The following CSGALNACT1 variants were observed in gnomAD, a reference collection of about 807,000 sequenced individuals.
CSGALNACT1 encodes the protein chondroitin sulfate N-acetylgalactosaminyltransferase 1.
A neutral mutation model predicts 51.0 loss-of-function variants in CSGALNACT1; 52 were observed. The observed-to-expected ratio is 1.02, with a 90% CI of 0.82 to 1.29. The LOEUF (loss-of-function observed/expected upper bound fraction) is 1.29. Among genes scored for constraint, CSGALNACT1 ranks in the 50% most tolerant of loss-of-function variants. The pLI is 0.00. For synonymous variants in CSGALNACT1, 341 were observed against 254.4 expected (o/e 1.34, Z -3.24); for missense variants, 935 against 679.2 (o/e 1.38, Z -4.19).
chr8:19,434,576 T>C (rs1277913179), intron 6 of CSGALNACT1, among the ~76,000 whole-genome samples: 4 of 152,194 alleles, frequency 2.6e-5, no homozygotes, highest in Non-Finnish European at 5.9e-5. Context: ...TTATATAGCA[T>C]ATTCAAATCC....
chr8:19,418,604 TGACA>T (rs1245550063), intron 8 of CSGALNACT1, 48 bp downstream of exon 7: 3 of 1,179,010 alleles, frequency 2.5e-6, no homozygotes, highest in Middle Eastern at 3.8e-4. Flanking sequence ...CCCCTGGTAA[TGACA>T]GACACTAAAC....
chr8:19,576,552 G>C (rs1414027025), intron 3 of CSGALNACT1, among the ~76,000 whole-genome samples: 3 of 151,802 alleles, frequency 2.0e-5, no homozygotes, highest in Non-Finnish European at 4.4e-5. Context: ...TCACCTTCTC[G>C]GTGGTCATCA....
intron 1 of CSGALNACT1, among the ~76,000 whole-genome samples, chr8:19,657,942 G>C (rs1026735064): frequency 8.6e-5 from 13 of 151,792 alleles, no homozygotes; most frequent in Non-Finnish European, 1.9e-4. Flanking sequence ...CATCAGCTTG[G>C]TGGTCTAACT....
At chr8:19,457,917 G>A in intron 5 of CSGALNACT1, 1 of 729,266 alleles carries the variant, frequency 1.4e-6, no homozygotes, top group South Asian at 1.5e-5. Context: ...GATGATGCAG[G>A]TTACAATAAA....
intron 6 of CSGALNACT1, among the ~76,000 whole-genome samples, chr8:19,433,861 T>C (rs1193655425): frequency 6.6e-6 from 1 of 152,226 alleles, no homozygotes; most frequent in Admixed American, 6.5e-5. Context: ...CTTATTTCAG[T>C]GTGGCCCAGA....
At chr8:19,437,352 C>A (rs941073598) in intron 6 of CSGALNACT1, among the ~76,000 whole-genome samples, 1 of 152,066 alleles carries the variant, frequency 6.6e-6, no homozygotes, top group Non-Finnish European at 1.5e-5. Context: ...AGCAGTGAGT[C>A]GTAAAGACAG....
At chr8:19,542,980 G>T (rs2154072644) in intron 3 of CSGALNACT1, among the ~76,000 whole-genome samples, 1 of 152,156 alleles carries the variant, frequency 6.6e-6, no homozygotes, top group East Asian at 1.9e-4. Flanking sequence ...AGAGAGCATG[G>T]TCTAGACTAA....
chr8:19,467,026 C>T (rs2066852615), intron 4 of CSGALNACT1, among the ~76,000 whole-genome samples: 2 of 151,730 alleles, frequency 1.3e-5, no homozygotes, highest in African/African-American at 4.8e-5. Flanking sequence ...CTGACAAATC[C>T]AGTATCTGGT....
intron 1 of CSGALNACT1, among the ~76,000 whole-genome samples, chr8:19,700,916 A>T (rs1407305013): frequency 6.6e-6 from 1 of 152,116 alleles, no homozygotes; most frequent in East Asian, 1.9e-4. Context: ...TTTTGGAGAA[A>T]TTACCTTTCC....
chr8:19,470,264 C>T (rs905275494), intron 4 of CSGALNACT1, among the ~76,000 whole-genome samples: 26 of 151,862 alleles, frequency 1.7e-4, no homozygotes, highest in African/African-American at 5.6e-4. Context: ...GAGCTCATGG[C>T]GCTAAGTCGT....
At chr8:19,610,273 G>A (rs2052037075) in intron 1 of CSGALNACT1, among the ~76,000 whole-genome samples, 1 of 128,346 alleles carries the variant, frequency 7.8e-6, no homozygotes, top group African/African-American at 3.2e-5. Context: ...CTGGGCGACA[G>A]AGTACGACTC....
chr8:19,440,064 G>C (rs1642407783), intron 5 of CSGALNACT1, 133 bp from the exon 5 acceptor site: 3 of 741,672 alleles, frequency 4.0e-6, no homozygotes, highest in Non-Finnish European at 7.2e-6. Context: ...GCCGAGATGG[G>C]AATCCAGAAC....
intron 6 of CSGALNACT1, among the ~76,000 whole-genome samples, chr8:19,425,037 C>T (rs1332262135): frequency 6.6e-6 from 1 of 152,218 alleles, no homozygotes; most frequent in Non-Finnish European, 1.5e-5. Flanking sequence ...AGCTTGAGAA[C>T]TGAGTCACCA....
chr8:19,434,172 G>A (rs1431146064), intron 6 of CSGALNACT1, among the ~76,000 whole-genome samples: 1 of 152,208 alleles, frequency 6.6e-6, no homozygotes, highest in Non-Finnish European at 1.5e-5. Flanking sequence ...CTTTTGTAGA[G>A]AGGAGTGTTT....
chr8:19,412,411 C>A (rs1241406714), intron 8 of CSGALNACT1, among the ~76,000 whole-genome samples: 5 of 152,246 alleles, frequency 3.3e-5, no homozygotes, highest in African/African-American at 1.2e-4. Flanking sequence ...AGCCGCCCTG[C>A]AGCTGCATGT....
At chr8:19,688,168 G>A (rs960840507) in intron 1 of CSGALNACT1, among the ~76,000 whole-genome samples, 1 of 152,174 alleles carries the variant, frequency 6.6e-6, no homozygotes, top group African/African-American at 2.4e-5. Flanking sequence ...GGAGACATCG[G>A]TGGGGCCTTC....
intron 1 of CSGALNACT1, among the ~76,000 whole-genome samples, chr8:19,644,376 T>C (rs575813980): frequency 2.7e-4 from 39 of 142,336 alleles, no homozygotes; most frequent in Admixed American, 9.2e-4. Context: ...CAGAAAAAAA[T>C]ACACCTGAAA....
intron 1 of CSGALNACT1, among the ~76,000 whole-genome samples, chr8:19,704,401 C>T (rs1018871892): frequency 6.6e-6 from 1 of 152,120 alleles, no homozygotes; most frequent in Non-Finnish European, 1.5e-5. Context: ...CTTAAGATGG[C>T]TGTGATGAAA....
chr8:19,713,085 T>A (rs1230546996), intron 1 of CSGALNACT1, among the ~76,000 whole-genome samples: 1 of 152,194 alleles, frequency 6.6e-6, no homozygotes, highest in Non-Finnish European at 1.5e-5. Context: ...CTGATTACTC[T>A]CCATCCCCAT....
Sources: gnomAD v4.1 joint callset for allele counts (sites outside exome capture counted in the v4.1 genomes callset) on GRCh38, gnomAD v4.1.1 for gene constraint, MANE v1.5 for transcripts, NCBI Gene and HGNC (gene_info 2026-07-23, HGNC 2026-07-21) for gene names.